Variants in PARP2 observed in about 807,000 individuals in gnomAD.
The protein encoded by PARP2 is poly(ADP-ribose) polymerase 2, also known as poly [ADP-ribose] polymerase 2.
Under a neutral mutation model 77.8 loss-of-function variants are expected in PARP2, and 57 were observed. The ratio of observed to expected loss-of-function variants is 0.73; its 90% CI spans 0.59 to 0.91. The LOEUF is 0.91. Among genes scored for constraint, PARP2 ranks in the 40% least tolerant of loss-of-function variants. The probability of loss-of-function intolerance (pLI) is 0.00; values close to 1 mark genes in which losing one functional copy is unlikely to be tolerated. For missense variants in PARP2, 651 were observed against 689.0 expected, an observed-to-expected ratio of 0.94 and a Z score of 0.62; for synonymous variants, 226 against 242.6, an observed-to-expected ratio of 0.93 and a Z score of 0.64.
chr14:20,356,081 C>T, intron 11 of PARP2, 50 bp downstream of exon 11: 2 of 1,587,578 alleles, frequency 1.3e-6, no homozygotes, highest in Non-Finnish European at 1.7e-6. Flanking sequence ...TTAACCACCT[C>T]CCCCATCCCA....
At chr14:20,344,648 AC>A (rs1046811168) in intron 1 of PARP2, among the ~76,000 whole-genome samples, 3 of 152,136 alleles carry the variant, frequency 2.0e-5, no homozygotes, top group Non-Finnish European at 4.4e-5. Flanking sequence ...CCCTGTCTCT[AC>A]TAAAAATACA....
intron 3 of PARP2, chr14:20,346,461 G>A (rs1236867325): frequency 1.2e-5 from 2 of 165,846 alleles, no homozygotes; most frequent in African/African-American, 4.8e-5. Flanking sequence ...CCAAGTAGCT[G>A]TGATTACAGG....
chr14:20,346,854 C>CTCT lies in PARP2; in HGVS notation c.274-9_274-8insTCT. 6.3e-7 allele frequency: 1 copy of CTCT among 1,583,086 alleles called. No individual in the cohort carries two copies. The highest frequency in any genetic ancestry group is 8.6e-7 in the Non-Finnish European group (1 of 1,156,238). ...CTAATGTTGATTTTTTCTCTCTCTCCCTTTCTAGGCTCATGTGTATTGTGA... is the reference window on the plus strand; with the variant it reads ...CTAATGTTGATTTTTTCTCTCTCTCCTCTCTTTCTAGGCTCATGTGTATTGTGA... On this transcript the variant is annotated splice_polypyrimidine_tract_variant and intron_variant, in intron 3 of 15. Coordinates refer to ENST00000429687, the MANE Select transcript of PARP2 (RefSeq NM_001042618.2).
At chr14:20,347,367 TATATATATATATATATATATATATA>T (rs1883780169) in intron 4 of PARP2, among the ~76,000 whole-genome samples, 3 of 12,316 alleles carry the variant, frequency 2.4e-4, no homozygotes, top group East Asian at 4.2e-3. Context: ...TATATATATA[TATATATATATATATATATATATATA>T]TATATATTTT....
In PARP2 at chr14:20,356,433, A is replaced by C. The variant is rs769025824; in HGVS notation, c.1228A>C (p.Arg410=). Residue 410 remains arginine, a splice_region_variant and synonymous_variant, in exon 12 of 16, where the codon AGG becomes CGG. Transcript: ENST00000429687. ...AGCCTTCAGAGAGGACCTTCATAAC[A>C]GGTCTGAGTCTAGCTTTGCGTTTGG... ...KEAFREDLHN[R]MLLWHGSRMS... is the part of the protein sequence containing the mutation. The C allele has an allele frequency of 6.2e-7, 1 of 1,614,076 alleles. No individual in the cohort carries two copies. The highest frequency in any genetic ancestry group is 1.3e-5 in the African/African-American group (1 of 74,924).
Position 20,345,418 on chromosome 14 carries a change from A to C in PARP2, c.227A>C (p.Lys76Thr). 4 of 1,614,010 alleles carry C rather than the reference A, an allele frequency of 2.5e-6. No homozygotes were observed. In the South Asian group the frequency reaches 3.3e-5, roughly 13 times the overall value. ...GAATCTGTGAAGGCCTTGCTGTTAA[A>C]GGGCAAAGCTCCTGTGGACCCAGAG... ...QDESVKALLL[K>T]GKAPVDPECT... is the part of the protein sequence containing the mutation. The change falls in exon 3 of 16, where the codon AAG becomes ACG. Residue 76 changes from lysine (K) to threonine (T), a missense_variant. By Grantham distance (78) the Lys-to-Thr change is moderately conservative (BLOSUM62 -1). Transcript: ENST00000429687.
At chr14:20,349,803 G>A (rs1181760100) in intron 4 of PARP2, among the ~76,000 whole-genome samples, 3 of 152,004 alleles carry the variant, frequency 2.0e-5, no homozygotes, top group Non-Finnish European at 4.4e-5. Flanking sequence ...GGAAGGGGCA[G>A]CATGCTTAAC....
intron 1 of PARP2, 31 bp downstream of exon 1, chr14:20,343,718 C>CG (rs776779974): frequency 3.1e-6 from 5 of 1,603,616 alleles, no homozygotes; most frequent in Non-Finnish European, 3.4e-6. Context: ...GGACGGCATG[C>CG]GGGGGGCGGG....
At chr14:20,349,754 C>T (rs3093900) in intron 4 of PARP2, among the ~76,000 whole-genome samples, 36,765 of 151,216 alleles carry the variant, frequency 0.24, 5,257 homozygotes, top group South Asian at 0.37. Flanking sequence ...TAAGGTCGTA[C>T]AATGGCTTTA....
chr14:20,346,129 C>T (rs896195770), intron 3 of PARP2, among the ~76,000 whole-genome samples: 2 of 152,026 alleles, frequency 1.3e-5, no homozygotes, highest in African/African-American at 4.8e-5. Context: ...ATATCACATG[C>T]GTACCTTTTG....
intron 5 of PARP2, 117 bp downstream of exon 5, chr14:20,350,739 G>C (rs995831849): frequency 1.2e-5 from 8 of 677,728 alleles, no homozygotes; most frequent in Admixed American, 2.4e-5. Flanking sequence ...TGAAGTCTGG[G>C]AGAGCCTTAG....
chr14:20,345,529 ACTCC>A, intron 3 of PARP2, 65 bp downstream of exon 3: 1 of 1,207,438 alleles, frequency 8.3e-7, no homozygotes, highest in Non-Finnish European at 1.2e-6. Context: ...TGTTATAAGG[ACTCC>A]TGTCTGGGAT....
chr14:20,356,321 C>G lies in PARP2; in HGVS notation c.1116C>G (p.Tyr372Ter), dbSNP rs750772298. The part of the protein sequence containing the change: ...ESYEFKVISQ[Y>*]LQSTHAPTHS... Reference sequence around the variant, plus strand: ...ATTTTTCACAGGTGATTTCCCAGTACCTACAATCTACCCATGCTCCCACAC... The same window carrying G: ...ATTTTTCACAGGTGATTTCCCAGTAGCTACAATCTACCCATGCTCCCACAC... Residue 372 changes from tyrosine (Y) to a stop codon, truncating the protein, a stop_gained, in exon 12 of 16, where the codon TAC becomes TAG. Coordinates refer to ENST00000429687, the MANE Select transcript of PARP2 (RefSeq NM_001042618.2). LOFTEE classifies it high-confidence loss of function. 6.2e-7 allele frequency: 1 copy of G among 1,614,030 alleles called. No individual in the cohort carries two copies. The highest frequency in any genetic ancestry group is 8.5e-7 in the Non-Finnish European group (1 of 1,179,924).
intron 9 of PARP2, 57 bp downstream of exon 9, chr14:20,355,004 C>G: frequency 2.8e-6 from 4 of 1,419,548 alleles, no homozygotes; most frequent in Admixed American, 2.2e-5. Flanking sequence ...TCCCCTGTAT[C>G]CATCAGCAGC....
chr14:20,346,655 G>GT, intron 3 of PARP2: 1 of 494,316 alleles, frequency 2.0e-6, no homozygotes, highest in East Asian at 3.0e-5. Context: ...CTTTTGTATA[G>GT]TTAAAAAAAA....
At chr14:20,344,581 G>T (rs973099977) in intron 1 of PARP2, among the ~76,000 whole-genome samples, 1 of 152,238 alleles carries the variant, frequency 6.6e-6, no homozygotes, top group Admixed American at 6.5e-5. Flanking sequence ...GGGAGGCCGA[G>T]GAGGGCAGAT....
intron 14 of PARP2, 109 bp downstream of exon 14, chr14:20,357,258 G>C (rs1438724676): frequency 7.6e-7 from 1 of 1,319,094 alleles, no homozygotes. Flanking sequence ...GCTTGAGAGA[G>C]GACCAAGTAC....
chr14:20,349,065 G>A (rs1883868332), intron 4 of PARP2, among the ~76,000 whole-genome samples: 1 of 152,088 alleles, frequency 6.6e-6, no homozygotes, highest in Non-Finnish European at 1.5e-5. Flanking sequence ...GCAGCCAGGT[G>A]TGGTGGCTCA....
At position 20,349,665 on chromosome 14, in the gene PARP2, C is replaced by G. The variant is rs188827139; in HGVS notation, c.325-861C>G. Reference sequence around the variant, plus strand: ...CTCCAGCCTGGGCGACAGAGCAAGACTCTGTCTCAAAAAAAGAAAATATCT... The same window carrying G: ...CTCCAGCCTGGGCGACAGAGCAAGAGTCTGTCTCAAAAAAAGAAAATATCT... On this transcript the variant is annotated intron_variant, in intron 4 of 15. Transcript: ENST00000429687. 1.1e-4 allele frequency among the ~76,000 whole-genome samples: 17 copies of G among 152,172 alleles called. No homozygotes were observed. The South Asian group carries it at 2.1e-3, about 19-fold the overall frequency.
Sources: gnomAD v4.1 joint callset for allele counts (sites outside exome capture counted in the v4.1 genomes callset) on GRCh38, gnomAD v4.1.1 for gene constraint, MANE v1.5 for transcripts, NCBI Gene and HGNC (gene_info 2026-07-23, HGNC 2026-07-21) for gene names.